Variants in TLN2 observed in about 807,000 individuals in gnomAD.
TLN2 encodes talin 2.
Under a neutral mutation model 294.7 loss-of-function variants are expected in TLN2, and 118 were observed. That is an observed-to-expected ratio of 0.40 (90% CI 0.34 to 0.47). The LOEUF is 0.47. Ranked by LOEUF, TLN2 falls within the 20% of genes least tolerant of loss-of-function variation. The pLI is 0.84. For missense variants in TLN2, 3,083 were observed against 3,282.2 expected, an observed-to-expected ratio of 0.94 and a Z score of 1.48; for synonymous variants, 1,431 against 1,304.5, an observed-to-expected ratio of 1.10 and a Z score of -2.09.
At chr15:62,556,712 C>A (rs2042625696) in intron 1 of TLN2, among the ~76,000 whole-genome samples, 1 of 152,184 alleles carries the variant, frequency 6.6e-6, no homozygotes, top group African/African-American at 2.4e-5. Flanking sequence ...CTACTGCCTT[C>A]TTTTGAGTAC....
intron 1 of TLN2, among the ~76,000 whole-genome samples, chr15:62,419,749 G>A (rs1418660202): frequency 6.6e-6 from 1 of 151,860 alleles, no homozygotes; most frequent in African/African-American, 2.4e-5. Flanking sequence ...CTGTCCTCCT[G>A]CGTCATCCTC....
intron 1 of TLN2, among the ~76,000 whole-genome samples, chr15:62,525,711 T>G (rs980448886): frequency 1.3e-5 from 2 of 152,230 alleles, no homozygotes; most frequent in African/African-American, 4.8e-5. Context: ...ATAGGACATT[T>G]GCTTAGACTT....
At chr15:62,684,978 C>G (rs1489328298) in intron 11 of TLN2, among the ~76,000 whole-genome samples, 2 of 150,784 alleles carry the variant, frequency 1.3e-5, no homozygotes, top group Non-Finnish European at 2.9e-5. Context: ...ATATCTAGGC[C>G]TCTGAGAATA....
At position 62,534,566 on chromosome 15, in the gene TLN2, A is replaced by C. The variant is rs145940846; in HGVS notation, c.-237-55121A>C. Among the ~76,000 whole-genome samples, 1,022 of 152,298 alleles carry C rather than the reference A, an allele frequency of 6.7e-3. 4 individuals are homozygous for C. The highest frequency in any genetic ancestry group is 0.011 in the Non-Finnish European group (769 of 68,022). On this transcript the variant is annotated intron_variant, in intron 1 of 58. Transcript: ENST00000636159. Reference sequence around the variant, plus strand: ...TCTGGAAGCTCCCAGAACCCAGTCCATGTGAGTTTTTATGGAAGCATCGTT... The same window carrying C: ...TCTGGAAGCTCCCAGAACCCAGTCCCTGTGAGTTTTTATGGAAGCATCGTT...
chr15:62,580,658 A>G (rs2140686160), intron 1 of TLN2, among the ~76,000 whole-genome samples: 1 of 152,016 alleles, frequency 6.6e-6, no homozygotes, highest in East Asian at 1.9e-4. Context: ...TGATCTACCT[A>G]TCTTCGCCTC....
intron 48 of TLN2, among the ~76,000 whole-genome samples, chr15:62,797,995 C>T (rs1379175045): frequency 6.6e-6 from 1 of 152,188 alleles, no homozygotes; most frequent in Non-Finnish European, 1.5e-5. Flanking sequence ...GCAGCAGCTG[C>T]TGCAGGGAGG....
chr15:62,792,908 A>C (rs1263265214), intron 46 of TLN2, 121 bp downstream of exon 46: 66 of 1,459,550 alleles, frequency 4.5e-5, no homozygotes, highest in Non-Finnish European at 5.7e-5. Flanking sequence ...CAGCTGTCTC[A>C]TCCCGATCTT....
chr15:62,678,605 C>T (rs2056488036), intron 11 of TLN2, among the ~76,000 whole-genome samples: 1 of 152,124 alleles, frequency 6.6e-6, no homozygotes, highest in Non-Finnish European at 1.5e-5. Flanking sequence ...CCAGGGCAGG[C>T]AGATCACTTG....
At chr15:62,630,495 A>G (rs2049693823) in intron 3 of TLN2, among the ~76,000 whole-genome samples, 1 of 152,172 alleles carries the variant, frequency 6.6e-6, no homozygotes, top group Non-Finnish European at 1.5e-5. Context: ...TCAGAGGAGG[A>G]GAAGTGCCAC....
intron 1 of TLN2, among the ~76,000 whole-genome samples, chr15:62,589,441 G>A (rs2045916973): frequency 6.6e-6 from 1 of 152,162 alleles, no homozygotes; most frequent in Admixed American, 6.5e-5. Context: ...CCTACCACAA[G>A]GAAGAAGAAA....
At chr15:62,716,481 C>T in intron 23 of TLN2, 22 bp downstream of exon 23, 2 of 1,578,320 alleles carry the variant, frequency 1.3e-6, no homozygotes, top group Non-Finnish European at 1.7e-6. Context: ...GGCTGCCTTT[C>T]TGGGATGCCC....
chr15:62,753,097 A>T (rs1384105713), intron 35 of TLN2, among the ~76,000 whole-genome samples: 1 of 152,122 alleles, frequency 6.6e-6, no homozygotes, highest in Non-Finnish European at 1.5e-5. Flanking sequence ...CTATGCACAG[A>T]TTCATTTTTT....
chr15:62,597,038 C>T lies in TLN2; in HGVS notation c.-162+7276C>T, dbSNP rs1442750249. Among the ~76,000 whole-genome samples the T allele has an allele frequency of 2.0e-5, 3 of 152,160 alleles. No individual in the cohort carries two copies. The East Asian group carries it at 5.8e-4, about 29-fold the overall frequency. ...GATGGCAGATCACGCTGTTAGTTCT[C>T]TCTAACCATCCCCATCTCCCTGCCT... is the stretch of plus-strand genomic sequence containing the variant. On this transcript the variant is annotated intron_variant, in intron 2 of 58. Coordinates refer to ENST00000636159, the MANE Select transcript of TLN2 (RefSeq NM_015059.3).
chr15:62,429,930 A>G (rs2034925215), intron 1 of TLN2, among the ~76,000 whole-genome samples: 1 of 152,216 alleles, frequency 6.6e-6, no homozygotes, highest in Non-Finnish European at 1.5e-5. Flanking sequence ...TCACTGGTTA[A>G]GGTTTTTACA....
At chr15:62,435,137 G>T (rs2035225065) in intron 1 of TLN2, among the ~76,000 whole-genome samples, 1 of 152,154 alleles carries the variant, frequency 6.6e-6, no homozygotes, top group Non-Finnish European at 1.5e-5. Context: ...TGGTGTATAT[G>T]TTCCACATTT....
At chr15:62,612,374 C>T (rs1289571500) in intron 2 of TLN2, among the ~76,000 whole-genome samples, 1 of 152,182 alleles carries the variant, frequency 6.6e-6, no homozygotes, top group Non-Finnish European at 1.5e-5. Flanking sequence ...GTTGCTTTCT[C>T]CTTAATGCAG....
chr15:62,777,035 T>G (rs2063765040), intron 43 of TLN2, 125 bp downstream of exon 43: 2 of 866,312 alleles, frequency 2.3e-6, no homozygotes, highest in Non-Finnish European at 3.1e-6. Context: ...TTCTAGTTAA[T>G]GTACAGATAT....
chr15:62,740,605 G>A (rs1295346877), intron 31 of TLN2, 25 bp from the exon 32 acceptor site: 1 of 1,613,790 alleles, frequency 6.2e-7, no homozygotes, highest in African/African-American at 1.3e-5. Flanking sequence ...GGCCCTAATA[G>A]CTCCGGCTCC....
At chr15:62,558,237 A>G (rs1420867771) in intron 1 of TLN2, among the ~76,000 whole-genome samples, 1 of 152,184 alleles carries the variant, frequency 6.6e-6, no homozygotes, top group Admixed American at 6.5e-5. Context: ...TTCTGGCAGG[A>G]AGGATTTAAA....
Sources: allele counts gnomAD v4.1 joint callset (sites outside exome capture counted in the v4.1 genomes callset), GRCh38; gene constraint gnomAD v4.1.1; transcripts MANE v1.5; gene names NCBI Gene and HGNC (gene_info 2026-07-23, HGNC 2026-07-21).